Variants in EPHX4 observed in about 807,000 individuals in gnomAD.
EPHX4 encodes abhydrolase domain containing 7.
In EPHX4, 31 loss-of-function variants were observed where a neutral mutation model predicts 44.9. That is an observed-to-expected ratio of 0.69 (90% CI 0.52 to 0.93). The LOEUF (loss-of-function observed/expected upper bound fraction) is 0.93. EPHX4 is among the 40% of genes least tolerant of loss of function. The pLI is 0.00. For missense variants in EPHX4, 373 were observed against 438.1 expected (o/e 0.85, Z 1.33); for synonymous variants, 151 against 159.7 (o/e 0.95, Z 0.41).
Position 92,049,744 on chromosome 1 carries a change from G to A in EPHX4, c.605-573G>A, listed in dbSNP as rs151086382. ...ATAATGACCTTGGAGGAAAAGCAGC[G>A]TTGTTTGGGCTTCCTGTTCCCTTTT... On this transcript the variant is annotated intron_variant, in intron 4 of 6. Transcript: ENST00000370383. Among the ~76,000 whole-genome samples, 426 of 152,270 alleles carry A rather than the reference G, an allele frequency of 2.8e-3. 5 individuals are homozygous for A. The highest frequency in any genetic ancestry group is 0.01 in the Middle Eastern group (3 of 294).
intron 6 of EPHX4, among the ~76,000 whole-genome samples, chr1:92,056,335 A>G (rs1406301919): frequency 6.6e-6 from 1 of 152,172 alleles, no homozygotes; most frequent in Non-Finnish European, 1.5e-5. Flanking sequence ...GACTTGCCAA[A>G]ATTTGGAACT....
chr1:92,058,334 G>A (rs1333379882), intron 6 of EPHX4, among the ~76,000 whole-genome samples: 3 of 151,800 alleles, frequency 2.0e-5, no homozygotes, highest in Non-Finnish European at 4.4e-5. Context: ...CCAGCTGCTC[G>A]GGAGGCTGAG....
At chr1:92,049,882 T>C (rs1647218112) in intron 4 of EPHX4, among the ~76,000 whole-genome samples, 1 of 152,092 alleles carries the variant, frequency 6.6e-6, no homozygotes, top group Admixed American at 6.5e-5. Context: ...GCAGATCACC[T>C]GAGTCAGGAG....
chr1:92,039,268 C>A (rs771649155), intron 2 of EPHX4, among the ~76,000 whole-genome samples: 21 of 152,142 alleles, frequency 1.4e-4, no homozygotes, highest in Non-Finnish European at 2.8e-4. Context: ...TGCTACATCA[C>A]TGGTTTTGTA....
chr1:92,034,933 T>G (rs771201951), intron 2 of EPHX4, among the ~76,000 whole-genome samples: 1 of 152,184 alleles, frequency 6.6e-6, no homozygotes, highest in Non-Finnish European at 1.5e-5. Flanking sequence ...TGTGAGCCAC[T>G]GCACCCGACC....
chr1:92,061,094 G>A (rs1647485316), intron 6 of EPHX4, among the ~76,000 whole-genome samples: 1 of 152,028 alleles, frequency 6.6e-6, no homozygotes. Context: ...TGGCCAGGCT[G>A]GTCTTGAACT....
intron 6 of EPHX4, among the ~76,000 whole-genome samples, chr1:92,061,732 T>C (rs571075801): frequency 1.9e-4 from 29 of 152,338 alleles, no homozygotes; most frequent in Admixed American, 1.3e-3. Context: ...TGTTATGAAA[T>C]GAGAAAATTC....
intron 2 of EPHX4, among the ~76,000 whole-genome samples, chr1:92,033,407 G>A (rs1013350536): frequency 6.6e-6 from 1 of 152,072 alleles, no homozygotes; most frequent in African/African-American, 2.4e-5. Flanking sequence ...TAACAAAACA[G>A]TTTGTATAGA....
At chr1:92,049,818 A>T (rs1229649439) in intron 4 of EPHX4, among the ~76,000 whole-genome samples, 3 of 151,986 alleles carry the variant, frequency 2.0e-5, no homozygotes, top group Admixed American at 6.6e-5. Flanking sequence ...GTGGTATAAG[A>T]CCAGGCGTGG....
chr1:92,040,819 G>A (rs1488725844), intron 2 of EPHX4, among the ~76,000 whole-genome samples: 1 of 151,904 alleles, frequency 6.6e-6, no homozygotes, highest in Non-Finnish European at 1.5e-5. Context: ...CCCCTCTCAG[G>A]CTTATAATCT....
At chr1:92,059,089 C>T (rs1396587902) in intron 6 of EPHX4, among the ~76,000 whole-genome samples, 3 of 152,176 alleles carry the variant, frequency 2.0e-5, no homozygotes, top group African/African-American at 4.8e-5. Flanking sequence ...CTATAGTAAA[C>T]ATCATTTTGT....
At chr1:92,032,684 GTAACT>G in intron 2 of EPHX4, 94 bp downstream of exon 2, 1 of 1,069,478 alleles carries the variant, frequency 9.4e-7, no homozygotes. Flanking sequence ...CACAGTCTGG[GTAACT>G]TAAAATGAAC....
chr1:92,045,576 A>T lies in EPHX4; in HGVS notation c.520A>T (p.Ile174Phe). ...VLIGHDWGGM[I>F]AWLIAICYPE... ...TATTGGCCATGACTGGGGGGGCATG[A>T]TTGCTTGGCTAATTGCCATCTGTTA... is the stretch of plus-strand genomic sequence containing the variant. The change falls in exon 4 of 7, where the codon ATT becomes TTT. Residue 174 changes from isoleucine (I) to phenylalanine (F), a missense_variant. By Grantham distance (21) the Ile-to-Phe change is conservative (BLOSUM62 0). Coordinates refer to ENST00000370383, the MANE Select transcript of EPHX4 (RefSeq NM_173567.5). The T allele has an allele frequency of 6.2e-7, 1 of 1,614,050 alleles. No homozygotes were observed. Among genetic ancestry groups the T allele is most frequent in the Non-Finnish European group, 8.5e-7 (1 of 1,179,990 alleles).
At chr1:92,050,017 T>C (rs1457172034) in intron 4 of EPHX4, among the ~76,000 whole-genome samples, 1 of 151,950 alleles carries the variant, frequency 6.6e-6, no homozygotes, top group East Asian at 1.9e-4. Context: ...GAGAATCGCT[T>C]GAACCCAGGA....
intron 1 of EPHX4, among the ~76,000 whole-genome samples, 169 bp downstream of exon 1, chr1:92,030,479 T>TGG: frequency 6.9e-6 from 1 of 145,346 alleles, no homozygotes; most frequent in African/African-American, 2.6e-5. Flanking sequence ...TGTGTGTGTG[T>TGG]GTGTGTGAGA....
At chr1:92,030,676 T>G (rs1186838946) in intron 1 of EPHX4, among the ~76,000 whole-genome samples, 6 of 152,098 alleles carry the variant, frequency 3.9e-5, no homozygotes, top group South Asian at 4.2e-4. Flanking sequence ...GTCACCCTTT[T>G]GCCCTTTAGA....
At chr1:92,051,070 C>G (rs1647239830) in intron 5 of EPHX4, among the ~76,000 whole-genome samples, 1 of 152,104 alleles carries the variant, frequency 6.6e-6, no homozygotes. Flanking sequence ...TGGCCTCAAG[C>G]AATCCTCCCA....
intron 3 of EPHX4, among the ~76,000 whole-genome samples, chr1:92,044,166 G>C (rs1176567158): frequency 1.3e-5 from 2 of 152,142 alleles, no homozygotes; most frequent in Non-Finnish European, 2.9e-5. Flanking sequence ...ACTTTCTACA[G>C]TAATCTAATG....
chr1:92,037,160 T>C (rs965342079), intron 2 of EPHX4, among the ~76,000 whole-genome samples: 7 of 152,256 alleles, frequency 4.6e-5, no homozygotes, highest in African/African-American at 1.7e-4. Context: ...CATGAAAGTG[T>C]ATGCTTGATT....
Sources: gnomAD v4.1 joint callset for allele counts (sites outside exome capture counted in the v4.1 genomes callset) on GRCh38, gnomAD v4.1.1 for gene constraint, MANE v1.5 for transcripts, NCBI Gene and HGNC (gene_info 2026-07-23, HGNC 2026-07-21) for gene names.